The following BCO2 variants were observed in gnomAD, a reference collection of about 807,000 sequenced individuals.
BCO2 encodes beta-carotene oxygenase 2, also known as carotenoid-cleaving dioxygenase, mitochondrial.
A neutral mutation model predicts 65.8 loss-of-function variants in BCO2; 56 were observed. The observed-to-expected ratio is 0.85, with a 90% confidence interval of 0.69 to 1.06. The LOEUF (loss-of-function observed/expected upper bound fraction) is 1.06, where lower values mean the gene tolerates loss of function less well. Ranked by LOEUF, BCO2 falls within the 50% of genes least tolerant of loss-of-function variation. The probability of loss-of-function intolerance (pLI) is 0.00; values close to 1 mark genes in which losing one functional copy is unlikely to be tolerated. For missense variants in BCO2, 675 were observed against 698.5 expected (o/e 0.97, Z 0.38); for synonymous variants, 233 against 242.3 (o/e 0.96, Z 0.36).
In BCO2 at chr11:112,214,888, C is replaced by T. The variant is rs774937117; in HGVS notation, c.1459C>T (p.Arg487Trp). The T allele has an allele frequency of 4.0e-5, 65 of 1,613,994 alleles. No homozygotes were observed. Among genetic ancestry groups the T allele is most frequent in the Admixed American group, 2.5e-4 (15 of 60,004 alleles). Reference sequence around the variant, plus strand: ...TCATTTCTTTTATGGCTGTGGCTTTCGGCATTTAGTGGGGGATTCTCTGAT... The same window carrying T: ...TCATTTCTTTTATGGCTGTGGCTTTTGGCATTTAGTGGGGGATTCTCTGAT... ...KYHFFYGCGFRHLVGDSLIKV... is the reference protein window; with the variant it reads ...KYHFFYGCGFWHLVGDSLIKV... The change falls in exon 10 of 12, where the codon CGG becomes TGG. Residue 487 changes from arginine (R) to tryptophan (W), a missense_variant. Transcript: ENST00000357685.
chr11:112,193,810 T>C (rs1447065807), intron 3 of BCO2, 69 bp from the exon 4 acceptor site: 2 of 1,464,680 alleles, frequency 1.4e-6, no homozygotes, highest in Admixed American at 1.7e-5. Flanking sequence ...GCTTTCTCCC[T>C]TTGAGTGTGT....
At position 112,188,171 on chromosome 11, in the gene BCO2, C is replaced by T. The variant is rs528751289; in HGVS notation, c.294-5303C>T. Among the ~76,000 whole-genome samples, 7 of 152,350 alleles carry T rather than the reference C, an allele frequency of 4.6e-5. No individual in the cohort carries two copies. The South Asian group carries it at 1.4e-3, about 32-fold the overall frequency. On this transcript the variant is annotated intron_variant, in intron 2 of 11. Transcript: ENST00000357685. ...GACTCTCTCAAAACCGAGCCATTGA[C>T]TTTTCCCAGTGCTTGTTCTTCATGT...
rs148706084 is a variant in BCO2, at chr11:112,208,505, A to G, written c.1195-5219A>G. On this transcript the variant is annotated intron_variant, in intron 8 of 11. Coordinates refer to ENST00000357685, the MANE Select transcript of BCO2 (RefSeq NM_031938.7). ...TAATGGCATCCTTAACTTGTTCCCA[A>G]TCTGAGAGGCAAAGCTTGCAGCATT... is the stretch of plus-strand genomic sequence containing the variant. 2.9e-3 allele frequency: 464 copies of G among 158,388 alleles called. 2 individuals carry two copies. Among genetic ancestry groups the G allele is most frequent in the African/African-American group, 0.01 (430 of 41,366 alleles). 9.8% of individuals were successfully genotyped at this position (158,388 alleles called of 1,614,324 possible). A position where few individuals can be genotyped will look rare whatever the true frequency, so the allele number is the denominator to read the frequency against.
At chr11:112,181,404 A>G in intron 2 of BCO2, 2 of 573,568 alleles carry the variant, frequency 3.5e-6, no homozygotes, top group South Asian at 3.4e-5. Context: ...GATGGTCTCG[A>G]TCTCCTGACC....
intron 2 of BCO2, among the ~76,000 whole-genome samples, chr11:112,184,505 G>A (rs1010425656): frequency 6.6e-6 from 1 of 151,864 alleles, no homozygotes; most frequent in Admixed American, 6.6e-5. Flanking sequence ...AGCCTGTCTT[G>A]GCCTCCCAAA....
chr11:112,214,597 TC>T, intron 9 of BCO2, 164 bp from the exon 10 acceptor site: 2 of 600,096 alleles, frequency 3.3e-6, no homozygotes, highest in East Asian at 5.5e-5. Context: ...TCATTATGCA[TC>T]CACACATATG....
intron 8 of BCO2, among the ~76,000 whole-genome samples, chr11:112,210,954 T>TAA (rs1859492463): frequency 6.6e-6 from 1 of 152,288 alleles, no homozygotes; most frequent in Admixed American, 6.5e-5. Flanking sequence ...TATATATATA[T>TAA]AACATTAAAT....
intron 2 of BCO2, among the ~76,000 whole-genome samples, chr11:112,191,579 T>C (rs1236888991): frequency 6.6e-6 from 1 of 152,162 alleles, no homozygotes; most frequent in Non-Finnish European, 1.5e-5. Flanking sequence ...ACAATCTTAA[T>C]AAAAATTCCA....
At chr11:112,187,947 TA>T (rs1867249199) in intron 2 of BCO2, among the ~76,000 whole-genome samples, 1 of 152,176 alleles carries the variant, frequency 6.6e-6, no homozygotes, top group Non-Finnish European at 1.5e-5. Context: ...AATATATGTA[TA>T]AGGGATGTAG....
At chr11:112,208,686 C>T in intron 8 of BCO2, 1 of 207,502 alleles carries the variant, frequency 4.8e-6, no homozygotes, top group Middle Eastern at 7.1e-4. Context: ...CTGGAAGAGA[C>T]AATCCTAAAC....
In BCO2 at chr11:112,193,492, T is replaced by C. The variant is rs745454701; in HGVS notation, c.312T>C (p.Asp104=). Reference sequence around the variant, plus strand: ...TTTGAAGGTACAATCATTGGTTTGATGGGATGGCGCTGCTTCACCAGTTCA... The same window carrying C: ...TTTGAAGGTACAATCATTGGTTTGACGGGATGGCGCTGCTTCACCAGTTCA... ...FGKDKYNHWF[D]GMALLHQFRM... The change falls in exon 3 of 12, where the codon GAT becomes GAC. Residue 104 remains aspartate (D), a synonymous_variant. Coordinates refer to ENST00000357685, the MANE Select transcript of BCO2 (RefSeq NM_031938.7). 1.9e-6 allele frequency: 3 copies of C among 1,614,146 alleles called. No individual in the cohort carries two copies. The highest frequency in any genetic ancestry group is 2.5e-6 in the Non-Finnish European group (3 of 1,180,016).
At chr11:112,192,925 G>GTTTTTTTTTGTTTT (rs1867434124) in intron 2 of BCO2, among the ~76,000 whole-genome samples, 1 of 36,658 alleles carries the variant, frequency 2.7e-5, no homozygotes, top group African/African-American at 1.0e-4. Flanking sequence ...AAAATGTGAG[G>GTTTTTTTTTGTTTT]TTTTTTTTTT....
Position 112,201,922 on chromosome 11 carries a change from A to G in BCO2, c.1027-101A>G, listed in dbSNP as rs1867745882. The G allele has an allele frequency of 3.9e-6, 4 of 1,024,694 alleles. No homozygotes were observed. In the South Asian group the frequency reaches 5.6e-5, roughly 14 times the overall value. The allele number at this position is 1,024,694 out of a possible 1,614,324, so 63.5% of individuals were successfully genotyped here. ...CCACTTCAGAGGGGAAAATCTTTCT[A>G]ATTTTCTTATTTTGAACTTTTTGGA... On this transcript the variant is annotated intron_variant, in intron 7 of 11. Transcript: ENST00000357685.
In BCO2 at chr11:112,202,068, C is replaced by T. The variant is rs1189658160; in HGVS notation, c.1072C>T (p.Gln358Ter). The change falls in exon 8 of 12, where the codon CAA (glutamine) becomes TAA (stop). Residue 358 changes from glutamine to a stop codon, truncating the protein, a stop_gained. Coordinates refer to ENST00000357685, the MANE Select transcript of BCO2 (RefSeq NM_031938.7). LOFTEE classifies it high-confidence loss of function. ...YYSKPFVTFHQINAFEDQGCV... is the reference protein window; with the variant it reads ...YYSKPFVTFH ...CAGCAAACCTTTTGTTACATTTCATCAAATCAATGCCTTTGAGGACCAGGG... is the reference window on the plus strand; with the variant it reads ...CAGCAAACCTTTTGTTACATTTCATTAAATCAATGCCTTTGAGGACCAGGG... 1 of 1,612,312 alleles carries T rather than the reference C, an allele frequency of 6.2e-7. No individual in the cohort carries two copies. Among genetic ancestry groups the T allele is most frequent in the African/African-American group, 1.3e-5 (1 of 74,810 alleles).
In BCO2 at chr11:112,216,341, T is replaced by C; in HGVS notation, c.1626+11T>C. On this transcript the variant is annotated intron_variant, in intron 11 of 11. Coordinates refer to ENST00000357685, the MANE Select transcript of BCO2 (RefSeq NM_031938.7). ...ATCACTCCCAACCAGGTAAATATAT[T>C]TCCCTATCACCAGTCAGAAAGAAAA... The C allele has an allele frequency of 1.9e-6, 3 of 1,592,294 alleles. No homozygotes were observed. Among genetic ancestry groups the C allele is most frequent in the Non-Finnish European group, 2.6e-6 (3 of 1,160,176 alleles).
chr11:112,187,554 G>A lies in BCO2; in HGVS notation c.294-5920G>A, dbSNP rs553764692. On this transcript the variant is annotated intron_variant, in intron 2 of 11. Coordinates refer to ENST00000357685, the MANE Select transcript of BCO2 (RefSeq NM_031938.7). ...TCCTGAAGCCTCCTTCATTCTCCCC[G>A]TCCCTTTCACCCTCAGCAGATAAAC... Among the ~76,000 whole-genome samples the A allele has an allele frequency of 3.3e-5, 5 of 150,310 alleles. No individual in the cohort carries two copies. In the South Asian group the frequency reaches 8.5e-4, roughly 26 times the overall value.
chr11:112,210,678 T>C (rs755446461), intron 8 of BCO2, among the ~76,000 whole-genome samples: 1 of 152,120 alleles, frequency 6.6e-6, no homozygotes, highest in Non-Finnish European at 1.5e-5. Context: ...CTTGTGGTGA[T>C]GGATCTGTTC....
At chr11:112,215,131 C>T in intron 10 of BCO2, 187 bp downstream of exon 10, 1 of 596,312 alleles carries the variant, frequency 1.7e-6, no homozygotes, top group Non-Finnish European at 2.9e-6. Context: ...CCAAATTGAC[C>T]CCAGGCCCAG....
chr11:112,194,580 A>T (rs1867506039), intron 4 of BCO2, 73 bp from the exon 5 acceptor site: 11 of 877,564 alleles, frequency 1.3e-5, no homozygotes, highest in Non-Finnish European at 2.0e-5. Flanking sequence ...TAAAAACATT[A>T]GATATTTCTA....
Sources: gnomAD v4.1 joint callset for allele counts (sites outside exome capture counted in the v4.1 genomes callset) on GRCh38, gnomAD v4.1.1 for gene constraint, MANE v1.5 for transcripts, NCBI Gene and HGNC (gene_info 2026-07-23, HGNC 2026-07-21) for gene names.